Variants in SGCZ observed in about 807,000 individuals in gnomAD.
SGCZ encodes zeta-sarcoglycan.
A neutral mutation model predicts 41.3 loss-of-function variants in SGCZ; 40 were observed. That is an observed-to-expected ratio of 0.97 (90% CI 0.75 to 1.26). SGCZ has a LOEUF of 1.26. Ranked by LOEUF, SGCZ falls within the 50% of genes most tolerant of loss-of-function variation. The pLI, the probability that SGCZ is intolerant of heterozygous loss-of-function variation, is 0.00. For missense variants in SGCZ, 552 were observed against 369.8 expected (o/e 1.49, Z -4.04); for synonymous variants, 206 against 137.5 (o/e 1.50, Z -3.49).
chr8:14,483,810 AC>A (rs1801599851), intron 2 of SGCZ, among the ~76,000 whole-genome samples: 1 of 152,194 alleles, frequency 6.6e-6, no homozygotes, highest in Non-Finnish European at 1.5e-5. Flanking sequence ...AGCATAAATG[AC>A]AAAGTTATTT....
At chr8:14,660,571 CAAAAAAAA>C (rs71304960) in intron 1 of SGCZ, among the ~76,000 whole-genome samples, 1 of 67,296 alleles carries the variant, frequency 1.5e-5, no homozygotes, top group African/African-American at 4.8e-5. Flanking sequence ...AACTCCATCT[CAAAAAAAA>C]AAAAAAAAAA....
intron 1 of SGCZ, among the ~76,000 whole-genome samples, chr8:14,927,894 G>A (rs1449229748): frequency 6.6e-6 from 1 of 152,164 alleles, no homozygotes; most frequent in African/African-American, 2.4e-5. Flanking sequence ...AAGACGCCAT[G>A]GAATGCAACC....
intron 1 of SGCZ, among the ~76,000 whole-genome samples, chr8:14,612,122 CTTT>C (rs1805949611): frequency 1.3e-5 from 2 of 152,082 alleles, no homozygotes; most frequent in South Asian, 4.1e-4. Context: ...TGAGGCTTTT[CTTT>C]TTTATTTTTT....
chr8:14,317,538 A>G (rs1464467694), intron 3 of SGCZ, among the ~76,000 whole-genome samples: 1 of 152,040 alleles, frequency 6.6e-6, no homozygotes, highest in African/African-American at 2.4e-5. Flanking sequence ...CCACACAAGC[A>G]CAGGGGTCTA....
chr8:14,875,960 A>T (rs530521003), intron 1 of SGCZ, among the ~76,000 whole-genome samples: 1 of 152,270 alleles, frequency 6.6e-6, no homozygotes, highest in African/African-American at 2.4e-5. Context: ...TCTCTAAAAC[A>T]ATGGGAAAAT....
intron 2 of SGCZ, among the ~76,000 whole-genome samples, chr8:14,415,179 C>T (rs1437438497): frequency 6.6e-6 from 1 of 151,764 alleles, no homozygotes; most frequent in Non-Finnish European, 1.5e-5. Flanking sequence ...AAAAACAGAA[C>T]ATTAAATAAT....
chr8:14,855,532 A>G (rs756042054), intron 1 of SGCZ, among the ~76,000 whole-genome samples: 11 of 152,174 alleles, frequency 7.2e-5, no homozygotes, highest in Non-Finnish European at 1.5e-4. Flanking sequence ...TGCCTTGACT[A>G]GAAGGTCAAT....
chr8:14,756,281 G>A (rs1053466354), intron 1 of SGCZ, among the ~76,000 whole-genome samples: 4 of 149,778 alleles, frequency 2.7e-5, no homozygotes, highest in African/African-American at 4.9e-5. Context: ...CGCCTCCCAC[G>A]TTCAAGCGAT....
At chr8:14,395,583 T>C (rs556331610) in intron 2 of SGCZ, among the ~76,000 whole-genome samples, 10 of 152,228 alleles carry the variant, frequency 6.6e-5, no homozygotes, top group East Asian at 1.9e-4. Flanking sequence ...AGGTGTAATA[T>C]TGAAAGGAGT....
At chr8:14,938,941 C>T (rs1351415) in intron 1 of SGCZ, among the ~76,000 whole-genome samples, 29,847 of 151,864 alleles carry the variant, frequency 0.2, 4,007 homozygotes, top group African/African-American at 0.39. Flanking sequence ...GCTAAGGGTA[C>T]TGCATTATTT....
chr8:14,286,641 T>C (rs1039755615), intron 3 of SGCZ, among the ~76,000 whole-genome samples: 1 of 152,170 alleles, frequency 6.6e-6, no homozygotes, highest in African/African-American at 2.4e-5. Context: ...ATTTTATTTT[T>C]AATGAAAGCA....
At chr8:14,392,134 A>C (rs927556395) in intron 2 of SGCZ, among the ~76,000 whole-genome samples, 1 of 152,124 alleles carries the variant, frequency 6.6e-6, no homozygotes, top group Non-Finnish European at 1.5e-5. Flanking sequence ...ATAATATTTC[A>C]GATAAATCAC....
chr8:14,629,347 TTAATGTAAAATACATTATCTAAA>T (rs144049847), intron 1 of SGCZ, among the ~76,000 whole-genome samples: 1 of 65,544 alleles, frequency 1.5e-5, no homozygotes, highest in Non-Finnish European at 3.4e-5. Flanking sequence ...GTAGGTAAGA[TTAATGTAAAATACATTATCTAAA>T]TAATGTAAAA....
At chr8:14,624,716 G>A (rs960579352) in intron 1 of SGCZ, among the ~76,000 whole-genome samples, 2 of 151,364 alleles carry the variant, frequency 1.3e-5, no homozygotes, top group African/African-American at 2.4e-5. Context: ...CACTACAGAT[G>A]TGCGCCACCA....
At chr8:14,441,608 A>C (rs1800272758) in intron 2 of SGCZ, among the ~76,000 whole-genome samples, 1 of 152,130 alleles carries the variant, frequency 6.6e-6, no homozygotes, top group Admixed American at 6.6e-5. Flanking sequence ...AGATAAAATG[A>C]TCATTTCATT....
Position 14,575,932 on chromosome 8 carries a change from A to AAAAG in SGCZ, c.40-21010_40-21007dup, listed in dbSNP as rs1356307924. On this transcript the variant is annotated intron_variant, in intron 1 of 7. Coordinates refer to ENST00000382080, the MANE Select transcript of SGCZ (RefSeq NM_139167.4). The stretch of plus-strand genomic sequence containing the variant: ...AAATAACAAAAAAAAAAAAAAAAAA[A>AAAAG]AAAGAAAGAAAGAGAGAGAGAGAAA... Among the ~76,000 whole-genome samples the AAAAG allele has an allele frequency of 6.3e-3, 856 of 135,446 alleles. 2 individuals are homozygous for AAAAG. The highest frequency in any genetic ancestry group is 0.012 in the Middle Eastern group (3 of 254). The allele number at this position is 135,446 out of a possible 152,430, so 88.9% of individuals were successfully genotyped here.
intron 3 of SGCZ, chr8:14,308,892 C>A: frequency 2.3e-6 from 1 of 426,248 alleles, no homozygotes; most frequent in Admixed American, 4.0e-5. Context: ...GTTTGATATT[C>A]GCAAAGAAAT....
chr8:14,917,852 A>G (rs1053512761), intron 1 of SGCZ, among the ~76,000 whole-genome samples: 2 of 152,154 alleles, frequency 1.3e-5, no homozygotes, highest in Non-Finnish European at 2.9e-5. Context: ...GGAGGTTAGT[A>G]TAAGATATGG....
At chr8:14,423,204 C>G (rs1408352004) in intron 2 of SGCZ, among the ~76,000 whole-genome samples, 2 of 151,490 alleles carry the variant, frequency 1.3e-5, no homozygotes, top group Non-Finnish European at 2.9e-5. Context: ...GGAGATATAC[C>G]TAATGCTAAA....
Sources: allele counts gnomAD v4.1 joint callset (sites outside exome capture counted in the v4.1 genomes callset), GRCh38; gene constraint gnomAD v4.1.1; transcripts MANE v1.5; gene names NCBI Gene and HGNC (gene_info 2026-07-23, HGNC 2026-07-21).